The following MYO1E variants were observed in gnomAD, a reference collection of about 807,000 sequenced individuals.
MYO1E encodes unconventional myosin-Ie.
A neutral mutation model predicts 151.1 loss-of-function variants in MYO1E; 68 were observed. The observed-to-expected ratio is 0.45, with a 90% confidence interval of 0.37 to 0.55. The LOEUF (loss-of-function observed/expected upper bound fraction) is 0.55. MYO1E is among the 20% of genes least tolerant of loss of function. The pLI, the probability that MYO1E is intolerant of heterozygous loss-of-function variation, is 0.00. For synonymous variants in MYO1E, 601 were observed against 501.7 expected (o/e 1.20, Z -2.64); for missense variants, 1,363 against 1,389.3 (o/e 0.98, Z 0.30).
intron 13 of MYO1E, among the ~76,000 whole-genome samples, chr15:59,209,367 C>T (rs1188156642): frequency 6.6e-6 from 1 of 152,076 alleles, no homozygotes; most frequent in Non-Finnish European, 1.5e-5. Flanking sequence ...TTCTGATATG[C>T]TATAGTTTGT....
chr15:59,330,104 T>C (rs1441809875), intron 1 of MYO1E, among the ~76,000 whole-genome samples: 1 of 152,160 alleles, frequency 6.6e-6, no homozygotes, highest in Non-Finnish European at 1.5e-5. Context: ...TCTGCCCAGA[T>C]AAATTAATAC....
intron 2 of MYO1E, among the ~76,000 whole-genome samples, chr15:59,268,720 A>ATTTTTTTTTTTTTTTTTGTTT (rs2080271888): frequency 2.2e-5 from 1 of 44,906 alleles, no homozygotes; most frequent in African/African-American, 5.8e-5. Flanking sequence ...TGACTTTGGT[A>ATTTTTTTTTTTTTTTTTGTTT]TTTTTTTTTT....
At chr15:59,327,627 T>C (rs2080673341) in intron 1 of MYO1E, among the ~76,000 whole-genome samples, 1 of 152,114 alleles carries the variant, frequency 6.6e-6, no homozygotes, top group Non-Finnish European at 1.5e-5. Context: ...TTATTTACTT[T>C]TTAAACATCA....
chr15:59,334,126 TA>T (rs1470407385), intron 1 of MYO1E, among the ~76,000 whole-genome samples: 1 of 152,032 alleles, frequency 6.6e-6, no homozygotes, highest in Non-Finnish European at 1.5e-5. Flanking sequence ...ACAAAAACTT[TA>T]AAAATTAGCC....
At chr15:59,307,796 G>A (rs1288993231) in intron 1 of MYO1E, among the ~76,000 whole-genome samples, 1 of 151,908 alleles carries the variant, frequency 6.6e-6, no homozygotes, top group East Asian at 2.0e-4. Flanking sequence ...CTTTAGTAGA[G>A]GTGGGGTTTC....
At chr15:59,343,663 T>G (rs1474822399) in intron 1 of MYO1E, among the ~76,000 whole-genome samples, 2 of 152,178 alleles carry the variant, frequency 1.3e-5, no homozygotes, top group African/African-American at 4.8e-5. Flanking sequence ...GAAGCTATTT[T>G]CTAGATCTTG....
intron 1 of MYO1E, 134 bp from the exon 2 acceptor site, chr15:59,272,583 A>C: frequency 1.0e-6 from 1 of 988,314 alleles, no homozygotes; most frequent in Non-Finnish European, 1.5e-6. Context: ...AAGATTCTGC[A>C]ATCAATAAGA....
intron 1 of MYO1E, among the ~76,000 whole-genome samples, chr15:59,337,824 T>C (rs1027712397): frequency 6.6e-5 from 10 of 151,768 alleles, no homozygotes; most frequent in African/African-American, 2.2e-4. Flanking sequence ...AGAGCAAGAC[T>C]CCATCTCAAA....
intron 1 of MYO1E, among the ~76,000 whole-genome samples, chr15:59,292,477 G>A (rs1334910744): frequency 2.0e-5 from 3 of 152,176 alleles, no homozygotes; most frequent in Non-Finnish European, 4.4e-5. Context: ...CATGTTGGCC[G>A]CAAGGATGGA....
chr15:59,213,539 G>C (rs954328694), intron 12 of MYO1E, among the ~76,000 whole-genome samples: 6 of 151,880 alleles, frequency 4.0e-5, no homozygotes, highest in Non-Finnish European at 5.9e-5. Flanking sequence ...GATGATATAA[G>C]CCTCGACCTC....
Position 59,236,361 on chromosome 15 carries a change from A to AT in MYO1E, c.420+223_420+224insA, listed in dbSNP as rs1232657278. On this transcript the variant is annotated intron_variant, in intron 5 of 27. Coordinates refer to ENST00000288235, the MANE Select transcript of MYO1E (RefSeq NM_004998.4). Reference sequence around the variant, plus strand: ...ACTCTGTCTCAAAAAAGAAAAAAAAAAAATATATACACACACACACACACA... The same window carrying AT: ...ACTCTGTCTCAAAAAAGAAAAAAAAATAAATATATACACACACACACACACA... Among the ~76,000 whole-genome samples, 556 of 66,816 alleles carry AT rather than the reference A, an allele frequency of 8.3e-3. 23 individuals carry two copies. Among genetic ancestry groups the AT allele is most frequent in the African/African-American group, 0.022 (524 of 23,964 alleles). 43.8% of individuals were successfully genotyped at this position (66,816 alleles called of 152,430 possible). A position where few individuals can be genotyped will look rare whatever the true frequency, so the allele number is the denominator to read the frequency against.
chr15:59,243,501 G>T (rs566168685), intron 4 of MYO1E, among the ~76,000 whole-genome samples: 1 of 152,152 alleles, frequency 6.6e-6, no homozygotes, highest in South Asian at 2.1e-4. Context: ...CTTGCTGAAG[G>T]ACACTTAGCT....
intron 1 of MYO1E, among the ~76,000 whole-genome samples, chr15:59,297,447 T>TTTTTTTTTTTTTG (rs2080457230): frequency 7.0e-6 from 1 of 142,212 alleles, no homozygotes; most frequent in Non-Finnish European, 1.6e-5. Context: ...ATTTTTTTTT[T>TTTTTTTTTTTTTG]TTTTTTTTTT....
At chr15:59,317,813 ACAGT>A (rs1300801895) in intron 1 of MYO1E, among the ~76,000 whole-genome samples, 76 of 152,170 alleles carry the variant, frequency 5.0e-4, no homozygotes, top group South Asian at 2.7e-3. Flanking sequence ...AGGGCGTGAA[ACAGT>A]CAGGAACTTT....
rs1363119859 is a variant in MYO1E at position 59,350,356 on chromosome 15, T to G, written c.3+22142A>C. Among the ~76,000 whole-genome samples, 1 of 152,220 alleles carries G rather than the reference T, an allele frequency of 6.6e-6. No homozygotes were observed. The highest frequency in any genetic ancestry group is 2.4e-5 in the African/African-American group (1 of 41,460). On this transcript the variant is annotated intron_variant, in intron 1 of 27. Transcript: ENST00000288235. This position sits in a 1 kb window ranked among gnomAD's most constrained non-coding sequence, Gnocchi z 5.0. Reference sequence around the variant, plus strand: ...CAGTTTCATTACCTTCTATTCACCATGACTGTAGTCGTAGACACTCAGAAA... The same window carrying G: ...CAGTTTCATTACCTTCTATTCACCAGGACTGTAGTCGTAGACACTCAGAAA...
In MYO1E at chr15:59,210,600, C is replaced by T; in HGVS notation, c.1276G>A (p.Glu426Lys). 1 of 1,584,584 alleles carries T rather than the reference C, an allele frequency of 6.3e-7. No individual in the cohort carries two copies. The highest frequency in any genetic ancestry group is 8.7e-7 in the Non-Finnish European group (1 of 1,153,096). The change falls in exon 13 of 28, where the codon GAA (glutamate) becomes AAA (lysine). Residue 426 changes from glutamate to lysine, a missense_variant and splice_region_variant. Glu to Lys is a moderately conservative substitution (Grantham distance 56, BLOSUM62 1). Coordinates refer to ENST00000288235, the MANE Select transcript of MYO1E (RefSeq NM_004998.4). ...FIELTLKAEQ[E>K]EYVQEGIRWT... ...CTTATTCCCTCTTGAACATATTCTT[C>T]CTGTAACACAGAGACAAGGAACTCA...
rs1277209114 is a variant in MYO1E at position 59,272,435 on chromosome 15, G to T, written c.18C>A (p.Val6=). The change falls in exon 2 of 28, where the codon GTC becomes GTA. Residue 6 remains valine, a synonymous_variant. Coordinates refer to ENST00000288235, the MANE Select transcript of MYO1E (RefSeq NM_004998.4). The stretch of plus-strand genomic sequence containing the variant: ...TGTGGCTTTGCCAGTGGTACTGGTA[G>T]ACACCTTTGCTTCCCTGGGAACATA... MGSKG[V]YQYHWQSHNV... is the part of the protein sequence containing the mutation. The T allele has an allele frequency of 1.2e-6, 2 of 1,614,062 alleles. No individual in the cohort carries two copies. Among genetic ancestry groups the T allele is most frequent in the Non-Finnish European group, 1.7e-6 (2 of 1,180,004 alleles).
intron 1 of MYO1E, among the ~76,000 whole-genome samples, chr15:59,320,899 C>T (rs994731227): frequency 3.3e-5 from 5 of 152,106 alleles, no homozygotes; most frequent in Non-Finnish European, 7.4e-5. Flanking sequence ...AAAAAGACAA[C>T]CTACAGAATA....
intron 1 of MYO1E, among the ~76,000 whole-genome samples, chr15:59,314,808 C>T (rs2054715): frequency 0.73 from 110,956 of 151,896 alleles, 43,084 homozygotes; most frequent in Non-Finnish European, 0.86. Context: ...AAAATGTCAG[C>T]AGTGTCAATG....
Sources: gnomAD v4.1 joint callset for allele counts (sites outside exome capture counted in the v4.1 genomes callset) on GRCh38, gnomAD v4.1.1 for gene constraint, Gnocchi (gnomAD v3.1) non-coding constraint, MANE v1.5 for transcripts, NCBI Gene and HGNC (gene_info 2026-07-23, HGNC 2026-07-21) for gene names.